HSF2: variants seen among roughly 807,000 people sequenced by gnomAD.
HSF2 encodes the protein heat shock factor protein 2.
A neutral mutation model predicts 65.0 loss-of-function variants in HSF2; 21 were observed. The observed-to-expected ratio is 0.32, with a 90% CI of 0.23 to 0.47. The LOEUF is 0.47. Ranked by LOEUF, HSF2 falls within the 20% of genes least tolerant of loss-of-function variation. The pLI, the probability that HSF2 is intolerant of heterozygous loss-of-function variation, is 1.00. For synonymous variants in HSF2, 225 were observed against 219.1 expected (o/e 1.03, Z -0.24); for missense variants, 499 against 628.1 (o/e 0.79, Z 2.20).
intron 1 of HSF2, among the ~76,000 whole-genome samples, chr6:122,402,290 T>C (rs2114416116): frequency 6.6e-6 from 1 of 152,346 alleles, no homozygotes; most frequent in South Asian, 2.1e-4. Context: ...TGAATAAATG[T>C]TGTCTAGGGC....
Position 122,432,058 on chromosome 6 carries a change from T to C in HSF2, c.1449T>C (p.Val483=), listed in dbSNP as rs1417644195. The C allele has an allele frequency of 1.2e-6, 2 of 1,614,130 alleles. No homozygotes were observed. The highest frequency in any genetic ancestry group is 1.7e-6 in the Non-Finnish European group (2 of 1,179,986). ...CCTCTGTAGATAAACCCATAGAAGTTGATGAGCTTCTGGATAGCAGCCTAG... is the reference window on the plus strand; with the variant it reads ...CCTCTGTAGATAAACCCATAGAAGTCGATGAGCTTCTGGATAGCAGCCTAG... ...VLSSVDKPIE[V]DELLDSSLDP... is the part of the protein sequence containing the mutation. The change falls in exon 13 of 13, where the codon GTT becomes GTC. Residue 483 remains valine, a synonymous_variant. Coordinates refer to ENST00000368455, the MANE Select transcript of HSF2 (RefSeq NM_004506.4).
Position 122,432,240 on chromosome 6 carries a change from T to C in HSF2, c.*20T>C, listed in dbSNP as rs371835960. The C allele has an allele frequency of 1.3e-4, 195 of 1,557,162 alleles. No individual in the cohort carries two copies. The highest frequency in any genetic ancestry group is 1.9e-5 in the Non-Finnish European group (22 of 1,137,418). ...AGCTAAATCCCCAGGAAGTGGACTT[T>C]ACATGTATATATTCATCAAAATGAT... On this transcript the variant is annotated 3_prime_UTR_variant, in exon 13 of 13. Coordinates refer to ENST00000368455, the MANE Select transcript of HSF2 (RefSeq NM_004506.4).
chr6:122,418,736 T>C (rs1774174480), intron 5 of HSF2, among the ~76,000 whole-genome samples: 2 of 152,146 alleles, frequency 1.3e-5, no homozygotes, highest in Non-Finnish European at 2.9e-5. Flanking sequence ...CTTCCCAAAG[T>C]GTTGGGATTA....
intron 5 of HSF2, 142 bp from the exon 6 acceptor site, chr6:122,419,026 G>A (rs994497734): frequency 1.3e-4 from 71 of 557,694 alleles, no homozygotes; most frequent in African/African-American, 1.1e-3. Flanking sequence ...TCTACGGTGC[G>A]TCTGGATTTC....
chr6:122,405,653 A>T (rs35078749), intron 1 of HSF2, among the ~76,000 whole-genome samples: 13 of 152,136 alleles, frequency 8.5e-5, no homozygotes, highest in Non-Finnish European at 1.8e-4. Context: ...GGTGGGAAAT[A>T]TGCCCTCTAG....
rs775392024 is a variant in HSF2 at position 122,432,143 on chromosome 6, A to C, written c.1534A>C (p.Ser512Arg). Residue 512 changes from serine to arginine, a missense_variant, in exon 13 of 13, where the codon AGT (serine) becomes CGT (arginine). Ser to Arg is a moderately radical substitution (Grantham distance 110). Transcript: ENST00000368455. ...RLEPLTEAEA[S>R]EATLFYLCEL... ...GGAGCCATTGACTGAAGCTGAAGCT[A>C]GTGAAGCTACACTGTTTTATTTATG... The C allele has an allele frequency of 6.2e-6, 10 of 1,613,984 alleles. No homozygotes were observed. In the Admixed American group the frequency reaches 1.7e-4, roughly 27 times the overall value.
intron 5 of HSF2, 144 bp from the exon 6 acceptor site, chr6:122,419,024 G>A: frequency 3.6e-6 from 2 of 555,870 alleles, no homozygotes. Context: ...GTTCTACGGT[G>A]CGTCTGGATT....
intron 1 of HSF2, among the ~76,000 whole-genome samples, chr6:122,412,003 C>CTT (rs528228446): frequency 6.7e-6 from 1 of 148,502 alleles, no homozygotes; most frequent in African/African-American, 2.5e-5. Context: ...CTCTCAAAAT[C>CTT]TTTTTTTTTT....
At chr6:122,429,555 C>A (rs978337664) in intron 11 of HSF2, among the ~76,000 whole-genome samples, 3 of 152,054 alleles carry the variant, frequency 2.0e-5, no homozygotes, top group African/African-American at 7.2e-5. Flanking sequence ...CCTTATACTT[C>A]TCAGTACAGC....
chr6:122,419,313 T>C lies in HSF2; in HGVS notation c.593+84T>C, dbSNP rs564265095. On this transcript the variant is annotated intron_variant, in intron 6 of 12. Transcript: ENST00000368455. ...TTAACCATGAGTAGCCTACACTTGC[T>C]GAGTATGTGCTTGTTGTCCAAAAAG... is the stretch of plus-strand genomic sequence containing the variant. 1.1e-4 allele frequency: 67 copies of C among 631,152 alleles called. 2 individuals carry two copies. The South Asian group carries it at 1.3e-3, about 12-fold the overall frequency. The allele number at this position is 631,152 out of a possible 1,614,324, so 39.1% of individuals were successfully genotyped here. A position where few individuals can be genotyped will look rare whatever the true frequency, so the allele number is the denominator to read the frequency against.
In HSF2 at chr6:122,399,836, G is replaced by A. The variant is rs1439346067; in HGVS notation, c.93+6G>A. 6.2e-7 allele frequency: 1 copy of A among 1,608,092 alleles called. No individual in the cohort carries two copies. The highest frequency in any genetic ancestry group is 8.5e-7 in the Non-Finnish European group (1 of 1,176,152). The stretch of plus-strand genomic sequence containing the variant: ...AGTTCATCACCTGGAGCCAGGTACG[G>A]TCAGGCCACGGCGGCCTCTGAACCC... On this transcript the variant is annotated splice_donor_region_variant and intron_variant, in intron 1 of 12. Transcript: ENST00000368455.
chr6:122,428,737 C>T (rs1582621292), intron 11 of HSF2, among the ~76,000 whole-genome samples: 1 of 152,030 alleles, frequency 6.6e-6, no homozygotes, highest in South Asian at 2.1e-4. Context: ...AAAATGAGCA[C>T]ATCTCAAATA....
chr6:122,401,279 T>G (rs996479140), intron 1 of HSF2, among the ~76,000 whole-genome samples: 28 of 152,208 alleles, frequency 1.8e-4, no homozygotes, highest in African/African-American at 4.8e-4. Context: ...TGTCTCATGC[T>G]TTTCATCAGT....
At chr6:122,399,971 C>CG in intron 1 of HSF2, 141 bp downstream of exon 1, 1 of 684,686 alleles carries the variant, frequency 1.5e-6, no homozygotes, top group Admixed American at 2.9e-5. Flanking sequence ...TTCAGCCTCG[C>CG]GGGGGACCCC....
At chr6:122,414,338 G>A (rs1178288037) in intron 4 of HSF2, among the ~76,000 whole-genome samples, 4 of 152,190 alleles carry the variant, frequency 2.6e-5, no homozygotes, top group Non-Finnish European at 4.4e-5. Flanking sequence ...GGGCTTAAGA[G>A]TGGTTACTTT....
rs752043989 is a variant in HSF2 at position 122,431,513 on chromosome 6, A to AG, written c.1315+1dup. The AG allele has an allele frequency of 6.5e-7, 1 of 1,541,012 alleles. No individual in the cohort carries two copies. Among genetic ancestry groups the AG allele is most frequent in the Non-Finnish European group, 8.9e-7 (1 of 1,118,264 alleles). On this transcript the variant is annotated frameshift_variant and splice_region_variant, in exon 12 of 13. Transcript: ENST00000368455. LOFTEE classifies it high-confidence loss of function. ...AGGGAAGAAAATCTAAATCCAAACCAGGTAGGTATAAATATAGTATTCAGT... is the reference window on the plus strand; with the variant it reads ...AGGGAAGAAAATCTAAATCCAAACCAGGGTAGGTATAAATATAGTATTCAGT...
chr6:122,407,903 G>A (rs920563600), intron 1 of HSF2, among the ~76,000 whole-genome samples: 4 of 152,112 alleles, frequency 2.6e-5, no homozygotes, highest in African/African-American at 9.7e-5. Flanking sequence ...TTCAGTTCCT[G>A]TGTTAGAGCT....
At chr6:122,413,976 T>A (rs554046724) in intron 4 of HSF2, among the ~76,000 whole-genome samples, 1 of 152,134 alleles carries the variant, frequency 6.6e-6, no homozygotes, top group African/African-American at 2.4e-5. Flanking sequence ...TTAGCTCATA[T>A]GGTGCTCATA....
intron 1 of HSF2, among the ~76,000 whole-genome samples, chr6:122,408,223 T>C (rs1342370890): frequency 1.3e-5 from 2 of 152,082 alleles, no homozygotes; most frequent in Non-Finnish European, 2.9e-5. Flanking sequence ...TCTGCTGTCT[T>C]AATTACTGTA....
Sources: allele counts gnomAD v4.1 joint callset (sites outside exome capture counted in the v4.1 genomes callset), GRCh38; gene constraint gnomAD v4.1.1; transcripts MANE v1.5; gene names NCBI Gene and HGNC (gene_info 2026-07-23, HGNC 2026-07-21).